The following C6orf89 variants were observed in gnomAD, a reference collection of about 807,000 sequenced individuals.
C6orf89 encodes bombesin receptor-activated protein C6orf89.
In C6orf89, 29 loss-of-function variants were observed where a neutral mutation model predicts 40.7. That is an observed-to-expected ratio of 0.71 (90% CI 0.53 to 0.97). C6orf89 has a LOEUF of 0.97. Among genes scored for constraint, C6orf89 ranks in the 50% least tolerant of loss-of-function variants. C6orf89 has a pLI of 0.00. For synonymous variants in C6orf89, 165 were observed against 152.2 expected (o/e 1.08, Z -0.62); for missense variants, 392 against 429.1 (o/e 0.91, Z 0.76).
At chr6:36,874,348 T>C (rs1583124929) in intron 1 of C6orf89, among the ~76,000 whole-genome samples, 1 of 152,248 alleles carries the variant, frequency 6.6e-6, no homozygotes, top group Non-Finnish European at 1.5e-5. Flanking sequence ...TCTTTCATTA[T>C]ACCGTAAGCT....
chr6:36,911,935 C>A (rs1264429711), intron 4 of C6orf89, among the ~76,000 whole-genome samples: 2 of 146,168 alleles, frequency 1.4e-5, no homozygotes, highest in Non-Finnish European at 3.1e-5. Flanking sequence ...AGTGAACCCC[C>A]CCCCCCCGAC....
At chr6:36,906,659 T>G (rs775548021) in intron 4 of C6orf89, among the ~76,000 whole-genome samples, 45 of 152,230 alleles carry the variant, frequency 3.0e-4, no homozygotes, top group Admixed American at 1.3e-3. Flanking sequence ...TTTCTTGGGC[T>G]CTTTCCCTCT....
chr6:36,926,559 AAG>A lies in C6orf89; in HGVS notation c.*3128_*3129del, dbSNP rs61597592. 2 of 133,714 alleles carry A rather than the reference AAG, an allele frequency of 1.5e-5. No individual in the cohort carries two copies. Among genetic ancestry groups the A allele is most frequent in the Middle Eastern group, 3.4e-3 (1 of 292 alleles). The allele number at this position is 133,714 out of a possible 1,614,324, so 8.3% of individuals were successfully genotyped here. On this transcript the variant is annotated 3_prime_UTR_variant, in exon 9 of 9. Coordinates refer to ENST00000480824, the MANE Select transcript of C6orf89 (RefSeq NM_001286635.2). The stretch of plus-strand genomic sequence containing the variant: ...GGAAAGGAAAGAAAAGAAAAAAAAA[AAG>A]AGAGAGAGAAAAGAAGAGGGGAGGG...
chr6:36,885,873 G>A (rs1369026145), upstream of C6orf89: 9 of 579,228 alleles, frequency 1.6e-5, no homozygotes, highest in Non-Finnish European at 2.3e-5. Flanking sequence ...GGAAGCGCTG[G>A]ACGAGAGGAG....
rs531828611 is a variant in C6orf89, at chr6:36,895,830, T to C, written c.-20+1227T>C. On this transcript the variant is annotated intron_variant, in intron 2 of 8. Transcript: ENST00000480824. ...TCACATTTGTGCACAAGTTTTTGTG[T>C]GGACATATGTTTTCATTTGTCTTAG... is the stretch of plus-strand genomic sequence containing the variant. Among the ~76,000 whole-genome samples, 14 of 152,356 alleles carry C rather than the reference T, an allele frequency of 9.2e-5. No homozygotes were observed. In the East Asian group the frequency reaches 2.7e-3, roughly 29 times the overall value.
rs1430926140 is a variant in C6orf89 at position 36,919,649 on chromosome 6, G to A, written c.897G>A (p.Gln299=). Residue 299 remains glutamine, a synonymous_variant, in exon 8 of 9, where the codon CAG becomes CAA. Transcript: ENST00000480824. ...TGTTGCAGCTCATCCCTCCCTTCCA[G>A]TGCCGAAGACATTGTCAGTCTGTGG... ...EAMLQLIPPF[Q]CRRHCQSVAM... The A allele has an allele frequency of 1.2e-6, 2 of 1,614,030 alleles. No homozygotes were observed. Among genetic ancestry groups the A allele is most frequent in the East Asian group, 2.2e-5 (1 of 44,892 alleles).
intron 8 of C6orf89, among the ~76,000 whole-genome samples, chr6:36,922,943 G>A (rs1373987457): frequency 6.6e-6 from 1 of 152,200 alleles, no homozygotes; most frequent in African/African-American, 2.4e-5. Context: ...GTGATTCACA[G>A]TTCCCTGGGT....
chr6:36,898,815 G>A (rs1195963336), intron 2 of C6orf89, among the ~76,000 whole-genome samples: 1 of 151,986 alleles, frequency 6.6e-6, no homozygotes, highest in African/African-American at 2.4e-5. Context: ...GAGGACTCTG[G>A]TTGCTCCAGA....
chr6:36,895,783 C>T (rs1044346934), intron 2 of C6orf89, among the ~76,000 whole-genome samples: 6 of 152,148 alleles, frequency 3.9e-5, no homozygotes, highest in Non-Finnish European at 7.3e-5. Context: ...CATTTGGGGG[C>T]TGTTATGAAT....
chr6:36,921,225 G>A (rs1416762557), intron 8 of C6orf89, among the ~76,000 whole-genome samples: 1 of 152,198 alleles, frequency 6.6e-6, no homozygotes, highest in East Asian at 1.9e-4. Context: ...GAAGAATGGG[G>A]GCAGGGAGGG....
chr6:36,885,864 G>A, upstream of C6orf89: 1 of 531,594 alleles, frequency 1.9e-6, no homozygotes, highest in Non-Finnish European at 2.9e-6. Flanking sequence ...GTTTTGGGCG[G>A]AAGCGCTGGA....
Position 36,885,966 on chromosome 6 carries a change from C to T in C6orf89, c.-182C>T, listed in dbSNP as rs1386606120. On this transcript the variant is annotated 5_prime_UTR_variant, in exon 1 of 9. Transcript: ENST00000480824. ...CTCCCGGAAACAGGAAGTTGCCCAT[C>T]CTCCTCGCCCGGCGGCAGCTGTCCC... The T allele has an allele frequency of 3.9e-6, 5 of 1,268,722 alleles. No individual in the cohort carries two copies. The highest frequency in any genetic ancestry group is 2.6e-5 in the South Asian group (1 of 37,882). The allele number at this position is 1,268,722 out of a possible 1,614,324, so 78.6% of individuals were successfully genotyped here.
intron 3 of C6orf89, among the ~76,000 whole-genome samples, chr6:36,901,447 G>GC (rs1429525426): frequency 7.1e-6 from 1 of 141,414 alleles, no homozygotes; most frequent in Non-Finnish European, 1.5e-5. Context: ...CCATTCTCCT[G>GC]CCTCAGCCTC....
chr6:36,914,677 C>G lies in C6orf89; in HGVS notation c.679C>G (p.Pro227Ala). Residue 227 changes from proline (P) to alanine (A), a missense_variant, in exon 6 of 9, where the codon CCA (proline) becomes GCA (alanine). By Grantham distance (27) the Pro-to-Ala change is conservative (BLOSUM62 -1). Transcript: ENST00000480824. ...WWRCFPERWF[P>A]FPYPWRRPLN... ...GCGCTGCTTTCCTGAGCGGTGGTTC[C>G]CATTTCCTTATCCATGGTGAGTGTG... The G allele has an allele frequency of 6.2e-7, 1 of 1,614,160 alleles. No individual in the cohort carries two copies. The highest frequency in any genetic ancestry group is 8.5e-7 in the Non-Finnish European group (1 of 1,180,016).
chr6:36,893,133 ACT>A (rs1447483181), intron 1 of C6orf89, among the ~76,000 whole-genome samples: 1 of 149,842 alleles, frequency 6.7e-6, no homozygotes, highest in Non-Finnish European at 1.5e-5. Context: ...ACGGGGTTTC[ACT>A]GTGTTAGCCA....
At position 36,923,339 on chromosome 6, in the gene C6orf89, C is replaced by G. The variant is rs768831964; in HGVS notation, c.950-8C>G. On this transcript the variant is annotated splice_region_variant and splice_polypyrimidine_tract_variant and intron_variant, in intron 8 of 8. Coordinates refer to ENST00000480824, the MANE Select transcript of C6orf89 (RefSeq NM_001286635.2). ...TTACATGCCTTCCTCTTGCTATTTCCCCTCAAGGCTATGTCGACACCACCC... is the reference window on the plus strand; with the variant it reads ...TTACATGCCTTCCTCTTGCTATTTCGCCTCAAGGCTATGTCGACACCACCC... 58 of 1,609,130 alleles carry G rather than the reference C, an allele frequency of 3.6e-5. No homozygotes were observed. Among genetic ancestry groups the G allele is most frequent in the Non-Finnish European group, 4.9e-5 (58 of 1,175,838 alleles).
In C6orf89 at chr6:36,923,155, A is replaced by ACC. The variant is rs200388771; in HGVS notation, c.950-189_950-188dup. Reference sequence around the variant, plus strand: ...AGACCAGCCTGGGCAATATAGTGAGACCCCTATCTCTTAAAAAATAAAAAA... The same window carrying ACC: ...AGACCAGCCTGGGCAATATAGTGAGACCCCCCTATCTCTTAAAAAATAAAAAA... On this transcript the variant is annotated intron_variant, in intron 8 of 8. Coordinates refer to ENST00000480824, the MANE Select transcript of C6orf89 (RefSeq NM_001286635.2). 4.1e-3 allele frequency among the ~76,000 whole-genome samples: 621 copies of ACC among 152,302 alleles called. 7 individuals are homozygous for ACC. Among genetic ancestry groups the ACC allele is most frequent in the African/African-American group, 0.014 (588 of 41,564 alleles).
chr6:36,880,449 T>C (rs961868453), intron 2 of C6orf89, among the ~76,000 whole-genome samples: 11 of 152,234 alleles, frequency 7.2e-5, no homozygotes, highest in African/African-American at 2.2e-4. Flanking sequence ...TTGTGTGTAA[T>C]GTTTATATAA....
Position 36,899,627 on chromosome 6 carries a change from G to T in C6orf89, c.183G>T (p.Val61=). The change falls in exon 3 of 9, where the codon GTG becomes GTT. Residue 61 remains valine (V), a synonymous_variant. Transcript: ENST00000480824. ...CGCAGTATCCTCTCCTTATAGTTGTGTATAAGGTAAAATGTTTCCTGAGTT... is the reference window on the plus strand; with the variant it reads ...CGCAGTATCCTCTCCTTATAGTTGTTTATAAGGTAAAATGTTTCCTGAGTT... ...PPPQYPLLIV[V]YKVLATLGLI... 2 of 1,613,708 alleles carry T rather than the reference G, an allele frequency of 1.2e-6. No homozygotes were observed. The highest frequency in any genetic ancestry group is 4.5e-5 in the East Asian group (2 of 44,880).
Sources: gnomAD v4.1 joint callset for allele counts (sites outside exome capture counted in the v4.1 genomes callset) on GRCh38, gnomAD v4.1.1 for gene constraint, MANE v1.5 for transcripts, NCBI Gene and HGNC (gene_info 2026-07-23, HGNC 2026-07-21) for gene names.